Variants in LHCGR observed in about 807,000 individuals in gnomAD.
The protein encoded by LHCGR is lutropin-choriogonadotropic hormone receptor.
In LHCGR, 55 loss-of-function variants were observed where a neutral mutation model predicts 60.7. The ratio of observed to expected loss-of-function variants is 0.91; its 90% CI spans 0.73 to 1.13. The LOEUF is 1.13. Among genes scored for constraint, LHCGR ranks in the 50% most tolerant of loss-of-function variants. The probability of loss-of-function intolerance (pLI) is 0.00; values close to 1 mark genes in which losing one functional copy is unlikely to be tolerated. For missense variants in LHCGR, 862 were observed against 836.0 expected (o/e 1.03, Z -0.38); for synonymous variants, 337 against 316.5 (o/e 1.06, Z -0.69).
chr2:48,702,553 C>A (rs1345552934), intron 8 of LHCGR, among the ~76,000 whole-genome samples: 2 of 152,048 alleles, frequency 1.3e-5, no homozygotes, highest in Non-Finnish European at 2.9e-5. Flanking sequence ...GAGAATGATG[C>A]TTTCCAGCTT....
intron 8 of LHCGR, among the ~76,000 whole-genome samples, chr2:48,702,673 T>C (rs557574347): frequency 2.7e-4 from 41 of 152,356 alleles, no homozygotes; most frequent in South Asian, 8.3e-4. Flanking sequence ...TGATGGACAT[T>C]TGGGTTGGTT....
chr2:48,734,074 A>C (rs2103646113), intron 1 of LHCGR, among the ~76,000 whole-genome samples: 1 of 152,306 alleles, frequency 6.6e-6, no homozygotes, highest in African/African-American at 2.4e-5. Flanking sequence ...TTTTCTTCAC[A>C]GCATTGTGGC....
intron 1 of LHCGR, among the ~76,000 whole-genome samples, chr2:48,754,262 C>A (rs1670106765): frequency 6.6e-6 from 1 of 152,206 alleles, no homozygotes; most frequent in African/African-American, 2.4e-5. Flanking sequence ...CATGAAGAAG[C>A]CTGGCCTGGC....
At chr2:48,731,711 C>G (rs1056439671) in intron 1 of LHCGR, among the ~76,000 whole-genome samples, 5 of 152,002 alleles carry the variant, frequency 3.3e-5, no homozygotes. Context: ...GGGCTTGGCA[C>G]CAAGTATATA....
intron 6 of LHCGR, chr2:48,720,489 T>G (rs993475931): frequency 6.6e-6 from 1 of 152,230 alleles, no homozygotes; most frequent in African/African-American, 2.4e-5. Context: ...ATAGATTATT[T>G]TATTACTTTT....
At chr2:48,727,138 G>T (rs376014625) in intron 3 of LHCGR, among the ~76,000 whole-genome samples, 1 of 152,016 alleles carries the variant, frequency 6.6e-6, no homozygotes, top group East Asian at 1.9e-4. Flanking sequence ...ATCTCTAAAG[G>T]TCTTTTGGGC....
intron 9 of LHCGR, among the ~76,000 whole-genome samples, chr2:48,698,295 A>C (rs1667225958): frequency 6.6e-6 from 1 of 152,236 alleles, no homozygotes; most frequent in African/African-American, 2.4e-5. Flanking sequence ...ATGCTCTCTG[A>C]TAAGGATTAG....
chr2:48,745,887 A>G (rs964387948), intron 1 of LHCGR, among the ~76,000 whole-genome samples: 1 of 151,904 alleles, frequency 6.6e-6, no homozygotes, highest in South Asian at 2.1e-4. Flanking sequence ...AAAGAAAAAA[A>G]AAAGGTCCGT....
intron 6 of LHCGR, among the ~76,000 whole-genome samples, chr2:48,718,464 C>T (rs1179078771): frequency 1.3e-5 from 2 of 152,132 alleles, no homozygotes; most frequent in Non-Finnish European, 2.9e-5. Context: ...TTTTGGATCA[C>T]CTGGTTTCTG....
Position 48,721,102 on chromosome 2 carries a change from AT to A in LHCGR, c.536+2353del, listed in dbSNP as rs370970644. On this transcript the variant is annotated intron_variant, in intron 6 of 10. Coordinates refer to ENST00000294954, the MANE Select transcript of LHCGR (RefSeq NM_000233.4). ...TGAATATCTACTAGCTTGTATTATT[AT>A]TTTATTATTTTATGTTTTCCCCCTC... 1.5e-4 allele frequency: 22 copies of A among 150,864 alleles called. 1 individual carries two copies. The highest frequency in any genetic ancestry group is 5.3e-4 in the African/African-American group (22 of 41,404). The allele number at this position is 150,864 out of a possible 1,614,324, so 9.3% of individuals were successfully genotyped here. A position where few individuals can be genotyped will look rare whatever the true frequency, so the allele number is the denominator to read the frequency against.
intron 9 of LHCGR, among the ~76,000 whole-genome samples, chr2:48,695,955 T>G (rs1667097125): frequency 6.6e-6 from 1 of 152,086 alleles, no homozygotes; most frequent in Non-Finnish European, 1.5e-5. Context: ...ACTTCCTGGA[T>G]GCAATATACT....
At chr2:48,731,419 C>G in intron 1 of LHCGR, 121 bp from the exon 2 acceptor site, 1 of 701,908 alleles carries the variant, frequency 1.4e-6, no homozygotes, top group Non-Finnish European at 2.6e-6. Flanking sequence ...TTCCCAAGAA[C>G]TGGATTCAGG....
At chr2:48,708,613 A>T (rs531855338) in intron 8 of LHCGR, among the ~76,000 whole-genome samples, 1 of 152,196 alleles carries the variant, frequency 6.6e-6, no homozygotes, top group South Asian at 2.1e-4. Flanking sequence ...GACTGGAATT[A>T]TGCTGCCACA....
intron 8 of LHCGR, among the ~76,000 whole-genome samples, chr2:48,705,913 T>C (rs975896586): frequency 6.6e-6 from 1 of 152,242 alleles, no homozygotes; most frequent in Non-Finnish European, 1.5e-5. Flanking sequence ...AATATTGTTA[T>C]GTGTGAATTT....
intron 7 of LHCGR, among the ~76,000 whole-genome samples, chr2:48,711,645 A>C (rs568627542): frequency 6.6e-6 from 1 of 152,164 alleles, no homozygotes; most frequent in Non-Finnish European, 1.5e-5. Flanking sequence ...TCACACAGAC[A>C]TACTGTGTTG....
intron 8 of LHCGR, among the ~76,000 whole-genome samples, chr2:48,705,690 T>C (rs1323271454): frequency 6.6e-6 from 1 of 152,222 alleles, no homozygotes; most frequent in Admixed American, 6.5e-5. Context: ...AAAGTCTATT[T>C]TATCAGAGAC....
intron 1 of LHCGR, among the ~76,000 whole-genome samples, chr2:48,741,447 T>A (rs1669447159): frequency 8.1e-6 from 1 of 123,810 alleles, no homozygotes; most frequent in Non-Finnish European, 2.0e-5. Flanking sequence ...GAGAGAAAGG[T>A]CAGGTTACCC....
intron 1 of LHCGR, among the ~76,000 whole-genome samples, chr2:48,747,967 G>A: frequency 6.6e-6 from 1 of 152,096 alleles, no homozygotes; most frequent in East Asian, 1.9e-4. Flanking sequence ...TCTCTAAGCT[G>A]GCCAGAACTG....
rs755654915 is a variant in LHCGR, at chr2:48,755,640, A to G, written c.32T>C (p.Leu11Pro). 2.6e-6 allele frequency: 4 copies of G among 1,534,782 alleles called. No homozygotes were observed. The highest frequency in any genetic ancestry group is 1.2e-5 in the South Asian group (1 of 83,924). The change falls in exon 1 of 11, where the codon CTG becomes CCG. Residue 11 changes from leucine to proline, a missense_variant. Coordinates refer to ENST00000294954, the MANE Select transcript of LHCGR (RefSeq NM_000233.4). MKQRFSALQL[L>P]KLLLLLQPPL... ...CGGCTGCAGCAGCAGCAGCAGCTTC[A>G]GCAGCTGCAGCGCCGAGAACCGCTG...
Sources: allele counts gnomAD v4.1 joint callset (sites outside exome capture counted in the v4.1 genomes callset), GRCh38; gene constraint gnomAD v4.1.1; transcripts MANE v1.5; gene names NCBI Gene and HGNC (gene_info 2026-07-23, HGNC 2026-07-21).